The following CABLES1 variants were observed in gnomAD, a reference collection of about 807,000 sequenced individuals.
CABLES1 encodes the protein CDK5 and ABL1 enzyme substrate 1.
In CABLES1, 36 loss-of-function variants were observed where a neutral mutation model predicts 57.8. The observed-to-expected ratio is 0.62, with a 90% CI of 0.48 to 0.82. The LOEUF (loss-of-function observed/expected upper bound fraction) is 0.82. Ranked by LOEUF, CABLES1 falls within the 40% of genes least tolerant of loss-of-function variation. The probability of loss-of-function intolerance (pLI) is 0.00; values close to 1 mark genes in which losing one functional copy is unlikely to be tolerated. For synonymous variants in CABLES1, 374 were observed against 363.0 expected (o/e 1.03, Z -0.35); for missense variants, 767 against 836.6 (o/e 0.92, Z 1.03).
At chr18:23,178,978 A>C (rs2047144379) in intron 1 of CABLES1, among the ~76,000 whole-genome samples, 1 of 152,184 alleles carries the variant, frequency 6.6e-6, no homozygotes, top group Non-Finnish European at 1.5e-5. Context: ...ACTTTAAAAC[A>C]TAGCCAGATT....
chr18:23,244,409 C>T (rs12604929), intron 7 of CABLES1, among the ~76,000 whole-genome samples: 61,656 of 152,094 alleles, frequency 0.41, 13,089 homozygotes, highest in East Asian at 0.48. Flanking sequence ...ATTTTGAATT[C>T]GATGGGTAGA....
chr18:23,135,251 C>G (rs962208487), upstream of CABLES1, among the ~76,000 whole-genome samples: 3 of 152,180 alleles, frequency 2.0e-5, no homozygotes, highest in Non-Finnish European at 4.4e-5. Context: ...TCCGACAACC[C>G]GGACAGCCGG....
chr18:23,211,327 A>G (rs879829622), intron 3 of CABLES1, among the ~76,000 whole-genome samples: 2 of 152,220 alleles, frequency 1.3e-5, no homozygotes, highest in Non-Finnish European at 1.5e-5. Flanking sequence ...TGCAGAGGAC[A>G]TCGATGCCCA....
intron 1 of CABLES1, among the ~76,000 whole-genome samples, chr18:23,160,293 T>C (rs111833414): frequency 2.0e-5 from 3 of 152,250 alleles, no homozygotes; most frequent in African/African-American, 7.2e-5. Flanking sequence ...CCTCCCAAAG[T>C]GCTGGGATTA....
In CABLES1 at chr18:23,163,546, G is replaced by T. The variant is rs1032646473; in HGVS notation, c.846-25292G>T. On this transcript the variant is annotated intron_variant, in intron 1 of 9. Transcript: ENST00000256925. ...CACAGGGTGCTGTCAGGGAAGCCTG[G>T]GGGGCTGAGAGAAAGGATGGAAGAG... Among the ~76,000 whole-genome samples, 6 of 152,078 alleles carry T rather than the reference G, an allele frequency of 3.9e-5. No homozygotes were observed. In the South Asian group the frequency reaches 1.0e-3, roughly 26 times the overall value.
chr18:23,234,589 C>A lies in CABLES1; in HGVS notation c.1089-19C>A. On this transcript the variant is annotated intron_variant, in intron 4 of 9. Transcript: ENST00000256925. ...GTGCACACAAAAGCATTTTTTTTTC[C>A]TCTGACTTGTCCTCCCAGGGACTTG... 1 of 1,599,420 alleles carries A rather than the reference C, an allele frequency of 6.3e-7. No individual in the cohort carries two copies. Among genetic ancestry groups the A allele is most frequent in the Non-Finnish European group, 8.6e-7 (1 of 1,168,692 alleles).
At chr18:23,257,098 C>T in intron 9 of CABLES1, 129 bp from the exon 10 acceptor site, 2 of 1,035,082 alleles carry the variant, frequency 1.9e-6, no homozygotes, top group Non-Finnish European at 2.8e-6. Context: ...TTTCTTCCTC[C>T]ACAGAGCTTT....
intron 1 of CABLES1, among the ~76,000 whole-genome samples, chr18:23,169,872 G>A (rs1305181014): frequency 6.6e-6 from 1 of 152,124 alleles, no homozygotes; most frequent in African/African-American, 2.4e-5. Context: ...AGGTTCCTTT[G>A]AAAACCTCGT....
chr18:23,234,487 C>T (rs1474335550), intron 4 of CABLES1, 121 bp from the exon 5 acceptor site: 1 of 741,302 alleles, frequency 1.3e-6, no homozygotes, highest in Non-Finnish European at 2.3e-6. Context: ...GCTGTCCCAT[C>T]ACCAGGGCTC....
rs1353539721 is a variant in CABLES1 at position 23,135,953 on chromosome 18, C to A, written c.191C>A (p.Ala64Asp). The A allele has an allele frequency of 8.8e-7, 1 of 1,134,448 alleles. No homozygotes were observed. The highest frequency in any genetic ancestry group is 1.1e-6 in the Non-Finnish European group (1 of 927,662). 70.3% of individuals were successfully genotyped at this position (1,134,448 alleles called of 1,614,324 possible). Residue 64 changes from alanine (A) to aspartate (D), a missense_variant, in exon 1 of 10, where the codon GCT becomes GAT. Ala to Asp is a moderately radical substitution (Grantham distance 126). Around this residue, in one of 4 missense-constraint regions of CABLES1, gnomAD observed 198 missense variants for 149.7 expected, o/e 1.32. Coordinates refer to ENST00000256925, the MANE Select transcript of CABLES1 (RefSeq NM_001100619.3). ...KPRMDPRRRQ[A>D]ALSFLTNISL... Reference sequence around the variant, plus strand: ...CGCATGGACCCGCGGCGCCGCCAGGCTGCCCTCTCCTTCCTCACCAACATC... The same window carrying A: ...CGCATGGACCCGCGGCGCCGCCAGGATGCCCTCTCCTTCCTCACCAACATC...
chr18:23,208,935 G>A (rs1459849798), intron 3 of CABLES1, among the ~76,000 whole-genome samples: 3 of 152,062 alleles, frequency 2.0e-5, no homozygotes, highest in Non-Finnish European at 4.4e-5. Flanking sequence ...GCATGTGTAG[G>A]TATCTCCAAA....
chr18:23,150,162 C>G (rs1307399473), intron 1 of CABLES1, among the ~76,000 whole-genome samples: 1 of 149,108 alleles, frequency 6.7e-6, no homozygotes, highest in Admixed American at 6.7e-5. Context: ...TGTCCTAAAG[C>G]ATTTCCTCTC....
In CABLES1 at chr18:23,144,554, C is replaced by G. The variant is rs532984116; in HGVS notation, c.845+7947C>G. ...TCTGAGTACCTCTTGTGTGCCACAT[C>G]CTTCACGTATGTTGTTTTATTTGCG... On this transcript the variant is annotated intron_variant, in intron 1 of 9. Transcript: ENST00000256925. Among the ~76,000 whole-genome samples the G allele has an allele frequency of 6.4e-4, 98 of 152,338 alleles. 2 individuals are homozygous for G. In the South Asian group the frequency reaches 0.014, roughly 21 times the overall value.
rs1021577610 is a variant in CABLES1, at chr18:23,260,144, C to A, written c.*2777C>A. 1 of 152,234 alleles carries A rather than the reference C, an allele frequency of 6.6e-6. No homozygotes were observed. The highest frequency in any genetic ancestry group is 6.5e-5 in the Admixed American group (1 of 15,282). The allele number at this position is 152,234 out of a possible 1,614,324, so 9.4% of individuals were successfully genotyped here. On this transcript the variant is annotated 3_prime_UTR_variant, in exon 10 of 10. Coordinates refer to ENST00000256925, the MANE Select transcript of CABLES1 (RefSeq NM_001100619.3). ...AGCCCCCACTGTACCCCTCCAGGGG[C>A]CCGAGCCCTTGCCAGCCCAATGACA...
intron 4 of CABLES1, among the ~76,000 whole-genome samples, chr18:23,230,576 C>T (rs147622350): frequency 0.013 from 1,914 of 152,260 alleles, 13 homozygotes; most frequent in African/African-American, 0.024. Flanking sequence ...TCTGCCATCA[C>T]GAAGCTGTCA....
intron 1 of CABLES1, among the ~76,000 whole-genome samples, chr18:23,182,572 T>C (rs1399161644): frequency 6.6e-6 from 1 of 152,232 alleles, no homozygotes; most frequent in Non-Finnish European, 1.5e-5. Flanking sequence ...CAAGGTGGGC[T>C]CAGGCTTTGG....
chr18:23,176,775 T>C (rs754419891), intron 1 of CABLES1, among the ~76,000 whole-genome samples: 2 of 152,168 alleles, frequency 1.3e-5, no homozygotes, highest in Non-Finnish European at 2.9e-5. Context: ...GATTTTGCTA[T>C]AGATAATTGC....
intron 4 of CABLES1, among the ~76,000 whole-genome samples, chr18:23,230,438 G>A (rs1160276652): frequency 6.6e-6 from 1 of 152,174 alleles, no homozygotes; most frequent in African/African-American, 2.4e-5. Context: ...TTTGTTTTCT[G>A]TGGACGGCTG....
At chr18:23,212,767 A>C (rs971904387) in intron 3 of CABLES1, among the ~76,000 whole-genome samples, 1 of 152,172 alleles carries the variant, frequency 6.6e-6, no homozygotes, top group Non-Finnish European at 1.5e-5. Context: ...AGACAGCACC[A>C]AAAAGGGAAC....
Sources: gnomAD v4.1 joint callset for allele counts (sites outside exome capture counted in the v4.1 genomes callset) on GRCh38, gnomAD v4.1.1 for gene constraint, gnomAD v4.1.1 regional missense constraint, MANE v1.5 for transcripts, NCBI Gene and HGNC (gene_info 2026-07-23, HGNC 2026-07-21) for gene names.